The following GYS2 variants were observed in gnomAD, a reference collection of about 807,000 sequenced individuals.
The protein encoded by GYS2 is glycogen synthase 2.
In GYS2, 80 loss-of-function variants were observed where a neutral mutation model predicts 85.6. The observed-to-expected ratio is 0.93, with a 90% confidence interval of 0.78 to 1.13. The LOEUF (loss-of-function observed/expected upper bound fraction) is 1.13, where lower values mean the gene tolerates loss of function less well. Ranked by LOEUF, GYS2 falls within the 50% of genes most tolerant of loss-of-function variation. GYS2 has a pLI of 0.00. For missense variants in GYS2, 881 were observed against 854.9 expected (o/e 1.03, Z -0.38); for synonymous variants, 328 against 300.7 (o/e 1.09, Z -0.94).
At chr12:21,544,584 CA>C (rs1205031977) in intron 12 of GYS2, among the ~76,000 whole-genome samples, 58 of 152,110 alleles carry the variant, frequency 3.8e-4, no homozygotes, top group Non-Finnish European at 1.0e-4. Flanking sequence ...AGGTCAAAAA[CA>C]AAGTGTTAAG....
At chr12:21,595,309 A>G (rs1944683285) in intron 1 of GYS2, among the ~76,000 whole-genome samples, 1 of 152,224 alleles carries the variant, frequency 6.6e-6, no homozygotes, top group South Asian at 2.1e-4. Flanking sequence ...TTGCTCCTGC[A>G]GGACCCAGGA....
intron 10 of GYS2, 54 bp from the exon 11 acceptor site, chr12:21,558,367 A>G (rs1421155896): frequency 1.9e-6 from 2 of 1,062,744 alleles, no homozygotes; most frequent in Non-Finnish European, 2.9e-6. Context: ...AATAAGGGTG[A>G]CTAATTTCAA....
intron 4 of GYS2, among the ~76,000 whole-genome samples, chr12:21,572,636 CAACCAGTGAAGGGCTTTA>C (rs903686539): frequency 1.7e-4 from 26 of 152,202 alleles, no homozygotes; most frequent in African/African-American, 6.0e-4. Context: ...TTAAGTATCT[CAACCAGTGAAGGGCTTTA>C]AACTAGAGAG....
chr12:21,566,547 A>C (rs1320479961), intron 5 of GYS2, among the ~76,000 whole-genome samples: 3 of 152,194 alleles, frequency 2.0e-5, no homozygotes, highest in African/African-American at 7.2e-5. Context: ...AGAGAAAGCT[A>C]GCTTGTGGGC....
At chr12:21,573,820 C>G (rs181794773) in intron 4 of GYS2, among the ~76,000 whole-genome samples, 1 of 152,212 alleles carries the variant, frequency 6.6e-6, no homozygotes, top group Non-Finnish European at 1.5e-5. Context: ...GTGTTCACAG[C>G]GCTTCCATAG....
intron 5 of GYS2, among the ~76,000 whole-genome samples, chr12:21,566,869 A>G (rs906029893): frequency 2.0e-5 from 3 of 152,320 alleles, no homozygotes; most frequent in Admixed American, 2.0e-4. Flanking sequence ...CTCTGTAGCT[A>G]TATTCTTAAG....
chr12:21,552,326 G>A (rs1018364085), intron 11 of GYS2, among the ~76,000 whole-genome samples: 5 of 152,196 alleles, frequency 3.3e-5, no homozygotes, highest in Admixed American at 1.3e-4. Flanking sequence ...ACCACACTAC[G>A]TAGCTAAGGC....
At chr12:21,590,792 C>G (rs1944629710) in intron 1 of GYS2, among the ~76,000 whole-genome samples, 1 of 152,208 alleles carries the variant, frequency 6.6e-6, no homozygotes, top group Admixed American at 6.5e-5. Context: ...ACTTGATATT[C>G]TTGTCTCCAG....
At chr12:21,561,720 A>C (rs1944255498) in intron 7 of GYS2, among the ~76,000 whole-genome samples, 1 of 152,188 alleles carries the variant, frequency 6.6e-6, no homozygotes. Context: ...TGTTGAATGA[A>C]TATATACTAG....
At chr12:21,551,195 G>A (rs1944106974) in intron 11 of GYS2, among the ~76,000 whole-genome samples, 1 of 120,484 alleles carries the variant, frequency 8.3e-6, no homozygotes, top group Non-Finnish European at 1.6e-5. Flanking sequence ...AGAGTGTGAT[G>A]TTCCCCTTCC....
intron 12 of GYS2, among the ~76,000 whole-genome samples, chr12:21,545,033 C>T (rs1182612086): frequency 6.6e-6 from 1 of 152,188 alleles, no homozygotes; most frequent in Non-Finnish European, 1.5e-5. Flanking sequence ...TTCCCTCTCA[C>T]CTTGGCCTCT....
At chr12:21,550,621 T>C (rs901624848) in intron 11 of GYS2, among the ~76,000 whole-genome samples, 4 of 152,106 alleles carry the variant, frequency 2.6e-5, no homozygotes, top group Admixed American at 2.0e-4. Flanking sequence ...AACTGAATTG[T>C]TCTGGAAGGA....
chr12:21,593,313 G>A (rs1354138955), intron 1 of GYS2, among the ~76,000 whole-genome samples: 2 of 118,844 alleles, frequency 1.7e-5, no homozygotes, highest in Non-Finnish European at 3.7e-5. Context: ...ACAACAACAA[G>A]GGATTAGCAA....
Position 21,604,682 on chromosome 12 carries a change from A to T in GYS2, c.-90T>A. 5 of 1,593,140 alleles carry T rather than the reference A, an allele frequency of 3.1e-6. No homozygotes were observed. The highest frequency in any genetic ancestry group is 4.3e-6 in the Non-Finnish European group (5 of 1,167,258). On this transcript the variant is annotated 5_prime_UTR_variant, in exon 1 of 16. Transcript: ENST00000261195. ...GAGAACTTACAGGCACAAAAGTTAG[A>T]GTTGGTAGAGTTACCAGGCTTTGGT...
rs141545975 is a variant in GYS2 at position 21,592,848 on chromosome 12, T to G, written c.121+11624A>C. On this transcript the variant is annotated intron_variant, in intron 1 of 15. Coordinates refer to ENST00000261195, the MANE Select transcript of GYS2 (RefSeq NM_021957.4). Reference sequence around the variant, plus strand: ...AGAATATATTTATCTCATCAGCACATGACGCATTCCCCAGGATACACCATA... The same window carrying G: ...AGAATATATTTATCTCATCAGCACAGGACGCATTCCCCAGGATACACCATA... Among the ~76,000 whole-genome samples, 384 of 152,124 alleles carry G rather than the reference T, an allele frequency of 2.5e-3. 2 individuals are homozygous for G. Among genetic ancestry groups the G allele is most frequent in the African/African-American group, 8.7e-3 (363 of 41,538 alleles).
intron 11 of GYS2, among the ~76,000 whole-genome samples, chr12:21,551,589 CATTA>C (rs1281416153): frequency 6.6e-6 from 1 of 151,284 alleles, no homozygotes; most frequent in Non-Finnish European, 1.5e-5. Context: ...ACATTACAAA[CATTA>C]ATTATATCTC....
chr12:21,604,283 C>T (rs962364001), intron 1 of GYS2, among the ~76,000 whole-genome samples, 189 bp downstream of exon 1: 40 of 152,100 alleles, frequency 2.6e-4, no homozygotes, highest in African/African-American at 9.2e-4. Context: ...TCAACACATA[C>T]ACAAGTCTGT....
chr12:21,597,308 C>A (rs1944707550), intron 1 of GYS2, among the ~76,000 whole-genome samples: 1 of 151,914 alleles, frequency 6.6e-6, no homozygotes, highest in Admixed American at 6.6e-5. Flanking sequence ...ATACATTTGA[C>A]AAGGAATTAA....
chr12:21,538,655 G>A (rs1040267868), intron 15 of GYS2, among the ~76,000 whole-genome samples: 4 of 152,184 alleles, frequency 2.6e-5, no homozygotes, highest in African/African-American at 4.8e-5. Context: ...GGATTGCTGT[G>A]TAGACTACTG....
Sources: gnomAD v4.1 joint callset for allele counts (sites outside exome capture counted in the v4.1 genomes callset) on GRCh38, gnomAD v4.1.1 for gene constraint, MANE v1.5 for transcripts, NCBI Gene and HGNC (gene_info 2026-07-23, HGNC 2026-07-21) for gene names.